Variants in ERC2 observed in about 807,000 individuals in gnomAD.
ERC2 encodes the protein ELKS/RAB6-interacting/CAST family member 2, also known as ERC protein 2.
Under a neutral mutation model 114.8 loss-of-function variants are expected in ERC2, and 42 were observed. That is an observed-to-expected ratio of 0.37 (90% CI 0.29 to 0.47). ERC2 has a LOEUF of 0.47. Ranked by LOEUF, ERC2 falls within the 20% of genes least tolerant of loss-of-function variation. ERC2 has a pLI of 0.99. For missense variants in ERC2, 939 were observed against 1,150.7 expected (o/e 0.82, Z 2.66); for synonymous variants, 454 against 425.5 (o/e 1.07, Z -0.82).
intron 3 of ERC2, among the ~76,000 whole-genome samples, chr3:56,274,310 A>C (rs1044867815): frequency 6.6e-6 from 1 of 152,302 alleles, no homozygotes; most frequent in South Asian, 2.1e-4. Context: ...TCCCCTGCCC[A>C]GCCCTGTTTG....
chr3:55,964,240 A>G (rs2068587837), intron 12 of ERC2, among the ~76,000 whole-genome samples: 1 of 152,262 alleles, frequency 6.6e-6, no homozygotes, highest in Non-Finnish European at 1.5e-5. Flanking sequence ...ATGAAGAAGC[A>G]GACGCTTAGA....
At chr3:55,893,274 C>G (rs1322877963) in intron 13 of ERC2, among the ~76,000 whole-genome samples, 1 of 152,162 alleles carries the variant, frequency 6.6e-6, no homozygotes, top group East Asian at 1.9e-4. Context: ...TTGCAAATTA[C>G]TCATCTTCCT....
chr3:55,982,028 G>T (rs935518828), intron 12 of ERC2, among the ~76,000 whole-genome samples: 1 of 152,190 alleles, frequency 6.6e-6, no homozygotes, highest in African/African-American at 2.4e-5. Flanking sequence ...CTTTAGAGGG[G>T]CAGGATCTGT....
At chr3:56,018,229 A>T (rs975789696) in intron 8 of ERC2, among the ~76,000 whole-genome samples, 3 of 152,150 alleles carry the variant, frequency 2.0e-5, no homozygotes, top group African/African-American at 7.2e-5. Flanking sequence ...CTCTTTTACA[A>T]ATGAAGAAAC....
At chr3:55,932,761 C>T (rs1008068542) in intron 13 of ERC2, among the ~76,000 whole-genome samples, 1 of 152,116 alleles carries the variant, frequency 6.6e-6, no homozygotes, top group Non-Finnish European at 1.5e-5. Context: ...ACTCTGATGA[C>T]TGAGCCATCC....
At chr3:55,768,449 CT>C (rs2067971682) in intron 14 of ERC2, among the ~76,000 whole-genome samples, 1 of 152,156 alleles carries the variant, frequency 6.6e-6, no homozygotes, top group South Asian at 2.1e-4. Flanking sequence ...TAGGTTTTGC[CT>C]TCCTGAAATT....
At chr3:55,858,459 T>C (rs1412436009) in intron 14 of ERC2, among the ~76,000 whole-genome samples, 3 of 152,224 alleles carry the variant, frequency 2.0e-5, no homozygotes, top group Non-Finnish European at 4.4e-5. Context: ...ATGTGTGATC[T>C]ACATGACTCT....
At chr3:56,369,309 T>C (rs1314129426) in intron 2 of ERC2, among the ~76,000 whole-genome samples, 1 of 152,244 alleles carries the variant, frequency 6.6e-6, no homozygotes, top group Non-Finnish European at 1.5e-5. Context: ...TGTCTATCAC[T>C]GGATCCCCAT....
intron 17 of ERC2, among the ~76,000 whole-genome samples, chr3:55,622,459 A>G (rs2059367492): frequency 1.3e-5 from 2 of 152,184 alleles, no homozygotes; most frequent in African/African-American, 4.8e-5. Context: ...AAAAAAATAA[A>G]AAGTACAACA....
At chr3:56,434,277 G>C in intron 2 of ERC2, 74 bp downstream of exon 2, 1 of 1,408,930 alleles carries the variant, frequency 7.1e-7, no homozygotes, top group Non-Finnish European at 9.8e-7. Flanking sequence ...CACAGGTCGT[G>C]GTACCATCTG....
chr3:56,388,976 T>G (rs2060033831), intron 2 of ERC2, among the ~76,000 whole-genome samples: 1 of 152,028 alleles, frequency 6.6e-6, no homozygotes, highest in South Asian at 2.1e-4. Context: ...AAAGAGAAAT[T>G]TATGAAAATT....
chr3:55,540,370 C>A (rs559078180), intron 17 of ERC2, among the ~76,000 whole-genome samples: 1 of 152,244 alleles, frequency 6.6e-6, no homozygotes, highest in African/African-American at 2.4e-5. Flanking sequence ...CTACTTTGGG[C>A]AACAACTTGT....
At chr3:56,366,944 G>C (rs2059173441) in intron 2 of ERC2, among the ~76,000 whole-genome samples, 1 of 152,300 alleles carries the variant, frequency 6.6e-6, no homozygotes, top group Admixed American at 6.5e-5. Context: ...TGTTGGGAGG[G>C]CGCAGATTGC....
chr3:55,539,319 T>C (rs1482067237), intron 17 of ERC2, among the ~76,000 whole-genome samples: 2 of 151,928 alleles, frequency 1.3e-5, no homozygotes, highest in Non-Finnish European at 2.9e-5. Flanking sequence ...ATCTGAGAAA[T>C]AGCATATATT....
chr3:56,096,571 G>T (rs892089634), intron 6 of ERC2, among the ~76,000 whole-genome samples: 1 of 152,180 alleles, frequency 6.6e-6, no homozygotes, highest in Non-Finnish European at 1.5e-5. Context: ...GACATATATA[G>T]ATAGATATTT....
chr3:55,996,970 C>T (rs1374702429), intron 10 of ERC2, among the ~76,000 whole-genome samples: 4 of 152,182 alleles, frequency 2.6e-5, no homozygotes, highest in Non-Finnish European at 5.9e-5. Context: ...ATTTAATCTT[C>T]TAAAGACTGG....
chr3:55,900,804 AAAG>A (rs2064094290), intron 13 of ERC2, among the ~76,000 whole-genome samples: 1 of 152,228 alleles, frequency 6.6e-6, no homozygotes, highest in African/African-American at 2.4e-5. Context: ...GGAAGGGAGA[AAAG>A]AAGAAAAGGA....
intron 14 of ERC2, among the ~76,000 whole-genome samples, chr3:55,839,515 A>C (rs1411264456): frequency 6.6e-6 from 1 of 151,932 alleles, no homozygotes; most frequent in East Asian, 1.9e-4. Context: ...TTAATAACAA[A>C]AATTAAAATA....
intron 17 of ERC2, among the ~76,000 whole-genome samples, chr3:55,602,438 G>C (rs958737525): frequency 6.6e-6 from 1 of 152,224 alleles, no homozygotes; most frequent in Non-Finnish European, 1.5e-5. Context: ...TCAGACAGAG[G>C]CACCATAAGA....
Sources: allele counts gnomAD v4.1 joint callset (sites outside exome capture counted in the v4.1 genomes callset), GRCh38; gene constraint gnomAD v4.1.1; transcripts MANE v1.5; gene names NCBI Gene and HGNC (gene_info 2026-07-23, HGNC 2026-07-21).